The following SLC4A7 variants were observed in gnomAD, a reference collection of about 807,000 sequenced individuals.
SLC4A7 encodes solute carrier family 4 member 7, also known as sodium bicarbonate cotransporter 3.
In SLC4A7, 51 loss-of-function variants were observed where a neutral mutation model predicts 137.6. The ratio of observed to expected loss-of-function variants is 0.37; its 90% CI spans 0.30 to 0.47. The LOEUF is 0.47. Among genes scored for constraint, SLC4A7 ranks in the 20% least tolerant of loss-of-function variants. The probability of loss-of-function intolerance (pLI) is 1.00; values close to 1 mark genes in which losing one functional copy is unlikely to be tolerated. For missense variants in SLC4A7, 1,247 were observed against 1,525.4 expected (o/e 0.82, Z 3.04); for synonymous variants, 542 against 518.6 (o/e 1.05, Z -0.61).
At chr3:27,418,972 C>T (rs895385362) in intron 10 of SLC4A7, among the ~76,000 whole-genome samples, 9 of 152,072 alleles carry the variant, frequency 5.9e-5, no homozygotes, top group African/African-American at 2.2e-4. Flanking sequence ...TGTCATTTAT[C>T]CTAAGAAAAT....
At chr3:27,464,438 T>C (rs1479208153) in intron 1 of SLC4A7, among the ~76,000 whole-genome samples, 1 of 151,946 alleles carries the variant, frequency 6.6e-6, no homozygotes, top group African/African-American at 2.4e-5. Context: ...CAGGGAGCGG[T>C]AGCTCACGCC....
chr3:27,474,603 C>T (rs911604048), intron 1 of SLC4A7, among the ~76,000 whole-genome samples: 4 of 151,528 alleles, frequency 2.6e-5, no homozygotes, highest in Non-Finnish European at 4.4e-5. Flanking sequence ...CCCATCTACT[C>T]GGGAGGCTGA....
chr3:27,376,557 G>T lies in SLC4A7; in HGVS notation c.*207C>A, dbSNP rs28639909. 619 of 352,516 alleles carry T rather than the reference G, an allele frequency of 1.8e-3. 8 individuals carry two copies. The highest frequency in any genetic ancestry group is 0.012 in the African/African-American group (563 of 47,138). 21.8% of individuals were successfully genotyped at this position (352,516 alleles called of 1,614,324 possible). A position where few individuals can be genotyped will look rare whatever the true frequency, so the allele number is the denominator to read the frequency against. ...TTCTAACAGAATAAATATTTGAATAGTTAAGAACCATGTACCTCACTTCAA... is the reference window on the plus strand; with the variant it reads ...TTCTAACAGAATAAATATTTGAATATTTAAGAACCATGTACCTCACTTCAA... On this transcript the variant is annotated 3_prime_UTR_variant, in exon 26 of 26. Transcript: ENST00000454389.
intron 25 of SLC4A7, among the ~76,000 whole-genome samples, chr3:27,378,544 A>C (rs2050121384): frequency 6.6e-6 from 1 of 152,240 alleles, no homozygotes. Flanking sequence ...AAGTGAGAAC[A>C]AAAGAAAGAA....
intron 1 of SLC4A7, among the ~76,000 whole-genome samples, chr3:27,482,886 C>G (rs540569970): frequency 1.5e-4 from 23 of 152,326 alleles, no homozygotes; most frequent in African/African-American, 5.3e-4. Context: ...TGTCTGGTGA[C>G]TGAGTTTTCT....
At chr3:27,447,535 G>C (rs2057749823) in intron 3 of SLC4A7, among the ~76,000 whole-genome samples, 1 of 150,992 alleles carries the variant, frequency 6.6e-6, no homozygotes, top group Non-Finnish European at 1.5e-5. Flanking sequence ...CTCTTTGCTA[G>C]AAAGCAAACA....
At chr3:27,460,993 A>C (rs558621305) in intron 1 of SLC4A7, among the ~76,000 whole-genome samples, 11 of 152,344 alleles carry the variant, frequency 7.2e-5, no homozygotes, top group African/African-American at 2.4e-4. Flanking sequence ...GTTCAAAAGT[A>C]ATAAAATTAT....
intron 3 of SLC4A7, among the ~76,000 whole-genome samples, chr3:27,445,063 A>G (rs1334917212): frequency 2.0e-5 from 3 of 152,168 alleles, no homozygotes; most frequent in Non-Finnish European, 2.9e-5. Context: ...TCTATCCAAT[A>G]CCCTGTATGT....
intron 7 of SLC4A7, 182 bp from the exon 8 acceptor site, chr3:27,424,334 CA>C (rs2055322147): frequency 2.4e-6 from 1 of 412,006 alleles, no homozygotes. Context: ...TAAGCAATAC[CA>C]AAGCTATACA....
At chr3:27,385,630 A>C (rs938690233) in intron 23 of SLC4A7, among the ~76,000 whole-genome samples, 5 of 152,088 alleles carry the variant, frequency 3.3e-5, no homozygotes, top group African/African-American at 1.2e-4. Context: ...GTAATTTTTG[A>C]AAAGTATTAC....
At chr3:27,442,876 C>T (rs1351812453) in intron 3 of SLC4A7, among the ~76,000 whole-genome samples, 2 of 152,060 alleles carry the variant, frequency 1.3e-5, no homozygotes, top group African/African-American at 2.4e-5. Flanking sequence ...CAGCAGGGGC[C>T]AGGCTGTTCC....
At chr3:27,475,062 A>G (rs997285782) in intron 1 of SLC4A7, among the ~76,000 whole-genome samples, 2 of 152,064 alleles carry the variant, frequency 1.3e-5, no homozygotes, top group African/African-American at 4.8e-5. Flanking sequence ...GTGAGCCGAG[A>G]TTGCACCACT....
chr3:27,400,543 AT>A (rs2052640434), intron 16 of SLC4A7, among the ~76,000 whole-genome samples: 1 of 152,142 alleles, frequency 6.6e-6, no homozygotes, highest in Non-Finnish European at 1.5e-5. Flanking sequence ...GTCAAATATA[AT>A]CCACCTTTAT....
At position 27,411,764 on chromosome 3, in the gene SLC4A7, A is replaced by C. The variant is rs1226265961; in HGVS notation, c.1660-16T>G. ...TTCTCTTTTCCTGAATTTCACAAAA[A>C]ACATTATTTTCAGAATTCTATTTTA... is the stretch of plus-strand genomic sequence containing the variant. On this transcript the variant is annotated splice_polypyrimidine_tract_variant and intron_variant, in intron 11 of 25. Transcript: ENST00000454389. 3 of 1,419,876 alleles carry C rather than the reference A, an allele frequency of 2.1e-6. No individual in the cohort carries two copies. The highest frequency in any genetic ancestry group is 2.2e-5 in the Admixed American group (1 of 44,856). The allele number at this position is 1,419,876 out of a possible 1,614,324, so 88.0% of individuals were successfully genotyped here.
chr3:27,395,702 T>C (rs1320642433), intron 18 of SLC4A7, among the ~76,000 whole-genome samples: 1 of 152,192 alleles, frequency 6.6e-6, no homozygotes, highest in Non-Finnish European at 1.5e-5. Flanking sequence ...CAGCTAAGCC[T>C]AGTCTCAACT....
chr3:27,394,406 G>C, intron 20 of SLC4A7, 112 bp downstream of exon 20: 2 of 974,394 alleles, frequency 2.1e-6, no homozygotes, highest in East Asian at 5.1e-5. Context: ...GTAAACTGTG[G>C]AAAACAAACC....
At chr3:27,378,389 C>T (rs1382195419) in intron 25 of SLC4A7, among the ~76,000 whole-genome samples, 1 of 152,132 alleles carries the variant, frequency 6.6e-6, no homozygotes, top group South Asian at 2.1e-4. Flanking sequence ...AACATAGCAT[C>T]TCACACAAAC....
At chr3:27,393,157 G>A (rs1468554077) in intron 20 of SLC4A7, among the ~76,000 whole-genome samples, 1 of 152,138 alleles carries the variant, frequency 6.6e-6, no homozygotes, top group Non-Finnish European at 1.5e-5. Context: ...AAAACCAACA[G>A]AGACTAAGCA....
At chr3:27,399,616 G>C (rs916019058) in intron 16 of SLC4A7, among the ~76,000 whole-genome samples, 9 of 151,108 alleles carry the variant, frequency 6.0e-5, no homozygotes, top group Non-Finnish European at 1.2e-4. Flanking sequence ...AATTTTTGTA[G>C]AGATGGTGCC....
Sources: gnomAD v4.1 joint callset for allele counts (sites outside exome capture counted in the v4.1 genomes callset) on GRCh38, gnomAD v4.1.1 for gene constraint, MANE v1.5 for transcripts, NCBI Gene and HGNC (gene_info 2026-07-23, HGNC 2026-07-21) for gene names.